The following PMM1 variants were observed in gnomAD, a reference collection of about 807,000 sequenced individuals.
The protein encoded by PMM1 is phosphomannomutase 1.
In PMM1, 25 loss-of-function variants were observed where a neutral mutation model predicts 34.0. That is an observed-to-expected ratio of 0.73 (90% CI 0.54 to 1.03). PMM1 has a LOEUF of 1.03. Ranked by LOEUF, PMM1 falls within the 50% of genes least tolerant of loss-of-function variation. PMM1 has a pLI of 0.00. For synonymous variants in PMM1, 134 were observed against 143.9 expected, an observed-to-expected ratio of 0.93 and a Z score of 0.49; for missense variants, 321 against 350.1, an observed-to-expected ratio of 0.92 and a Z score of 0.66.
intron 5 of PMM1, among the ~76,000 whole-genome samples, chr22:41,582,321 T>A (rs1035868946): frequency 3.9e-5 from 6 of 152,042 alleles, no homozygotes; most frequent in African/African-American, 1.4e-4. Flanking sequence ...TAGCCTGGCA[T>A]GGTGTAATGC....
intron 5 of PMM1, among the ~76,000 whole-genome samples, chr22:41,583,042 G>GGA (rs2067264004): frequency 6.6e-6 from 1 of 152,220 alleles, no homozygotes; most frequent in African/African-American, 2.4e-5. Context: ...AAGGAGACGC[G>GGA]GAGAGCCAGA....
At chr22:41,579,021 C>A in intron 5 of PMM1, 140 bp from the exon 6 acceptor site, 1 of 680,722 alleles carries the variant, frequency 1.5e-6, no homozygotes, top group Non-Finnish European at 2.6e-6. Flanking sequence ...AACTAAGGCT[C>A]AGAGAGGGGT....
At chr22:41,589,020 C>A in intron 1 of PMM1, 2 of 1,224,412 alleles carry the variant, frequency 1.6e-6, no homozygotes, top group Non-Finnish European at 2.2e-6. Flanking sequence ...CTCAACACAG[C>A]GAGAGTCTTT....
At chr22:41,586,889 G>A (rs1601496707) in intron 1 of PMM1, among the ~76,000 whole-genome samples, 1 of 148,688 alleles carries the variant, frequency 6.7e-6, no homozygotes, top group African/African-American at 2.5e-5. Context: ...AGGCCCAGGA[G>A]GGTGGATCAC....
rs999478512 is a variant in PMM1 at position 41,577,058 on chromosome 22, G to T, written c.*260C>A. 1.9e-5 allele frequency: 10 copies of T among 537,922 alleles called. No homozygotes were observed. The East Asian group carries it at 3.0e-4, about 16-fold the overall frequency. 33.3% of individuals were successfully genotyped at this position (537,922 alleles called of 1,614,324 possible). ...TGCAGAAAGAAACCTCTTCTGTACC[G>T]AAATACAAGCAGCAGCTGTGGCCTG... On this transcript the variant is annotated 3_prime_UTR_variant, in exon 8 of 8. Transcript: ENST00000216259.
chr22:41,580,267 G>C (rs1000499164), intron 5 of PMM1: 1 of 152,440 alleles, frequency 6.6e-6, no homozygotes, highest in East Asian at 1.9e-4. Context: ...CCCGCTTCAG[G>C]GTTCTGGAAG....
intron 5 of PMM1, chr22:41,579,138 T>C: frequency 2.1e-6 from 1 of 482,500 alleles, no homozygotes; most frequent in African/African-American, 1.9e-5. Flanking sequence ...GAAGGAGACC[T>C]CAGAGGAGAG....
At chr22:41,580,379 G>A (rs916682747) in intron 5 of PMM1, 1 of 152,216 alleles carries the variant, frequency 6.6e-6, no homozygotes, top group Admixed American at 6.5e-5. Flanking sequence ...GAGCAAACAA[G>A]AGCCAAAAAT....
chr22:41,586,920 C>A (rs918732627), intron 1 of PMM1, among the ~76,000 whole-genome samples: 3 of 141,002 alleles, frequency 2.1e-5, no homozygotes, highest in African/African-American at 7.9e-5. Flanking sequence ...GAGTTCGAGA[C>A]CAGCCTGGCC....
Position 41,586,452 on chromosome 22 carries a change from T to C in PMM1, c.88-259A>G. On this transcript the variant is annotated intron_variant, in intron 1 of 7. Transcript: ENST00000216259. ...GAGCCTAGGCAGCAAAGGAAGACAT[T>C]GTCTCTATGAAAAAAAAAATTTTTT... The C allele has an allele frequency of 5.5e-6, 3 of 544,406 alleles. No homozygotes were observed. In the African/African-American group the frequency reaches 6.0e-5, roughly 11 times the overall value. The allele number at this position is 544,406 out of a possible 1,614,324, so 33.7% of individuals were successfully genotyped here. A position where few individuals can be genotyped will look rare whatever the true frequency, so the allele number is the denominator to read the frequency against.
At chr22:41,578,035 C>A in intron 6 of PMM1, 112 bp from the exon 7 acceptor site, 1 of 741,138 alleles carries the variant, frequency 1.3e-6, no homozygotes. Flanking sequence ...CTACTGAGGG[C>A]CAGGAATAGG....
At chr22:41,589,265 C>T (rs1016197734) in intron 1 of PMM1, 1 of 502,532 alleles carries the variant, frequency 2.0e-6, no homozygotes, top group Non-Finnish European at 3.8e-6. Context: ...CCCTGTCTCC[C>T]ACCAGATGAT....
intron 7 of PMM1, 43 bp from the exon 8 acceptor site, chr22:41,577,483 T>A: frequency 1.3e-6 from 2 of 1,579,616 alleles, no homozygotes; most frequent in Non-Finnish European, 1.7e-6. Flanking sequence ...TTAGGTGGAG[T>A]CCCTCTCCAC....
Position 41,584,535 on chromosome 22 carries a change from A to G in PMM1, c.274T>C (p.Ser92Pro). The G allele has an allele frequency of 1.2e-6, 2 of 1,613,370 alleles. No individual in the cohort carries two copies. Among genetic ancestry groups the G allele is most frequent in the Non-Finnish European group, 1.7e-6 (2 of 1,179,456 alleles). The change falls in exon 3 of 8, where the codon TCC becomes CCC. Residue 92 changes from serine (S) to proline (P), a missense_variant. Physicochemically the swap from Ser to Pro is moderately conservative, Grantham distance 74 (BLOSUM62 -1). Transcript: ENST00000216259. Reference sequence around the variant, plus strand: ...CCCTGGGGGACACTGACCTGCTTGGAGAGCAGTCGTCCGTGCTTATACTGC... The same window carrying G: ...CCCTGGGGGACACTGACCTGCTTGGGGAGCAGTCGTCCGTGCTTATACTGC... ...TVQYKHGRLL[S>P]KQTIQNHLGE... is the part of the protein sequence containing the mutation.
chr22:41,582,519 G>C (rs1469833773), intron 5 of PMM1, among the ~76,000 whole-genome samples: 1 of 152,186 alleles, frequency 6.6e-6, no homozygotes. Context: ...ATCCAGAGGA[G>C]AACAAGCCGC....
Position 41,577,328 on chromosome 22 carries a change from T to C in PMM1, c.779A>G (p.His260Arg), listed in dbSNP as rs1030703397. ...AGATGTGGGCCCCGGTCACGCCTCA[T>C]GAGCTGTCTCTGGGAAGAAAATCTC... is the stretch of plus-strand genomic sequence containing the variant. Reference protein sequence around the residue: ...CREIFFPETAHEA With the variant: ...CREIFFPETAREA The change falls in exon 8 of 8, where the codon CAT becomes CGT. Residue 260 changes from histidine (H) to arginine (R), a missense_variant. By Grantham distance (29) the His-to-Arg change is conservative. Coordinates refer to ENST00000216259, the MANE Select transcript of PMM1 (RefSeq NM_002676.3). 3.1e-6 allele frequency: 5 copies of C among 1,612,914 alleles called. No homozygotes were observed. The African/African-American group carries it at 5.3e-5, about 17-fold the overall frequency.
At chr22:41,588,164 C>T (rs2067333363) in intron 1 of PMM1, among the ~76,000 whole-genome samples, 1 of 152,238 alleles carries the variant, frequency 6.6e-6, no homozygotes, top group African/African-American at 2.4e-5. Context: ...GATTCTCCTG[C>T]CTCTGCCTCC....
At chr22:41,578,372 CCT>C (rs2067200326) in intron 6 of PMM1, among the ~76,000 whole-genome samples, 2 of 152,136 alleles carry the variant, frequency 1.3e-5, no homozygotes, top group South Asian at 4.1e-4. Context: ...CCAGCTCCAG[CCT>C]CTCTGGCCAC....
At chr22:41,589,115 G>A (rs1264742161) in intron 1 of PMM1, 5 of 1,304,178 alleles carry the variant, frequency 3.8e-6, no homozygotes, top group Non-Finnish European at 5.1e-6. Context: ...ACATCCGGGT[G>A]GGTAGAGCTC....
Sources: gnomAD v4.1 joint callset for allele counts (sites outside exome capture counted in the v4.1 genomes callset) on GRCh38, gnomAD v4.1.1 for gene constraint, MANE v1.5 for transcripts, NCBI Gene and HGNC (gene_info 2026-07-23, HGNC 2026-07-21) for gene names.